Variants in NEURL4 observed in about 807,000 individuals in gnomAD.
NEURL4 encodes neuralized E3 ubiquitin protein ligase 4.
A neutral mutation model predicts 148.0 loss-of-function variants in NEURL4; 45 were observed. The observed-to-expected ratio is 0.30, with a 90% CI of 0.24 to 0.39. NEURL4 has a LOEUF of 0.39. NEURL4 is among the 10% of genes least tolerant of loss of function. The probability of loss-of-function intolerance (pLI) is 1.00; values close to 1 mark genes in which losing one functional copy is unlikely to be tolerated. For missense variants in NEURL4, 1,776 were observed against 2,144.0 expected, an observed-to-expected ratio of 0.83 and a Z score of 3.39; for synonymous variants, 854 against 869.0, an observed-to-expected ratio of 0.98 and a Z score of 0.30.
Position 7,324,548 on chromosome 17 carries a change from G to A in NEURL4, c.1814-68C>T, listed in dbSNP as rs998947680. On this transcript the variant is annotated intron_variant, in intron 9 of 28. Coordinates refer to ENST00000399464, the MANE Select transcript of NEURL4 (RefSeq NM_032442.3). The surrounding 1 kb of genome is among the most constrained non-coding windows in gnomAD (Gnocchi z 5.9). ...GGGCTCCTCTCCTTGCCACAGCAGC[G>A]CCCACAGGACTCCCGAGCCCACAGT... 2.2e-5 allele frequency: 32 copies of A among 1,429,200 alleles called. No homozygotes were observed. The highest frequency in any genetic ancestry group is 1.3e-4 in the South Asian group (11 of 86,810). The allele number at this position is 1,429,200 out of a possible 1,614,324, so 88.5% of individuals were successfully genotyped here.
Position 7,323,938 on chromosome 17 carries a change from C to A in NEURL4, c.2137G>T (p.Gly713Trp), listed in dbSNP as rs754580167. The A allele has an allele frequency of 6.2e-7, 1 of 1,613,294 alleles. No individual in the cohort carries two copies. Among genetic ancestry groups the A allele is most frequent in the Admixed American group, 1.7e-5 (1 of 60,034 alleles). ...TGATGGAAGCGCAGGTCAGAGCCCCCGGCCCCTGAGGACGGAGAGCTTGGA... is the reference window on the plus strand; with the variant it reads ...TGATGGAAGCGCAGGTCAGAGCCCCAGGCCCCTGAGGACGGAGAGCTTGGA... Reference protein sequence around the residue: ...VSPSSPSSGAGGSDLRFHQLH... With the variant: ...VSPSSPSSGAWGSDLRFHQLH... Residue 713 changes from glycine to tryptophan, a missense_variant, in exon 12 of 29, where the codon GGG becomes TGG. Coordinates refer to ENST00000399464, the MANE Select transcript of NEURL4 (RefSeq NM_032442.3).
At chr17:7,319,709 C>T (rs4796301) in intron 21 of NEURL4, among the ~76,000 whole-genome samples, 1 of 112,356 alleles carries the variant, frequency 8.9e-6, no homozygotes, top group Non-Finnish European at 1.8e-5. Context: ...TCAAAAAAAA[C>T]AAAAAAACAA....
Position 7,324,845 on chromosome 17 carries a change from G to A in NEURL4, c.1767C>T (p.Asn589=). 1 of 1,614,220 alleles carries A rather than the reference G, an allele frequency of 6.2e-7. No homozygotes were observed. ...TGGAGGGCAACTGGAGGTAGGCAGG[G>A]TTGTGGGTGGTGACACCAATTTCAA... ...GSIEIGVTTH[N]PAYLQLPSTM... is the part of the protein sequence containing the mutation. The change falls in exon 9 of 29, where the codon AAC becomes AAT. Residue 589 remains asparagine, a synonymous_variant. Transcript: ENST00000399464. The surrounding 1 kb of genome is among the most constrained non-coding windows in gnomAD (Gnocchi z 5.9).
At chr17:7,317,064 GA>G in intron 28 of NEURL4, 140 bp downstream of exon 28, 1 of 528,944 alleles carries the variant, frequency 1.9e-6, no homozygotes, top group Non-Finnish European at 3.2e-6. Flanking sequence ...AATGAATGAA[GA>G]AAGGGCTGAG....
At position 7,324,830 on chromosome 17, in the gene NEURL4, C is replaced by A. The variant is rs2073079723; in HGVS notation, c.1782G>T (p.Gln594His). 6.2e-7 allele frequency: 1 copy of A among 1,614,202 alleles called. No individual in the cohort carries two copies. The change falls in exon 9 of 29, where the codon CAG becomes CAT. Residue 594 changes from glutamine (Q) to histidine (H), a missense_variant. Gln to His is a conservative substitution (Grantham distance 24). Transcript: ENST00000399464. The surrounding 1 kb of genome is among the most constrained non-coding windows in gnomAD (Gnocchi z 5.9). ...GCAAGTTGGTCATGGTGGAGGGCAA[C>A]TGGAGGTAGGCAGGGTTGTGGGTGG... ...GVTTHNPAYL[Q>H]LPSTMTNLRS... is the part of the protein sequence containing the mutation.
At position 7,321,816 on chromosome 17, in the gene NEURL4, C is replaced by G; in HGVS notation, c.2872-29G>C. On this transcript the variant is annotated intron_variant, in intron 17 of 28. Transcript: ENST00000399464. This position sits in a 1 kb window ranked among gnomAD's most constrained non-coding sequence, Gnocchi z 6.3. ...CGAGACAGAGAAAACATAAGCTGGC[C>G]CTGTCGTGATGGGCCTCGCAGCCCC... 1 of 1,612,166 alleles carries G rather than the reference C, an allele frequency of 6.2e-7. No individual in the cohort carries two copies. The highest frequency in any genetic ancestry group is 8.5e-7 in the Non-Finnish European group (1 of 1,178,734).
rs893332473 is a variant in NEURL4 at position 7,329,284 on chromosome 17, C to T, written c.29G>A (p.Gly10Asp). 1.3e-5 allele frequency: 19 copies of T among 1,425,448 alleles called. No homozygotes were observed. Among genetic ancestry groups the T allele is most frequent in the African/African-American group, 4.5e-5 (3 of 66,558 alleles). The allele number at this position is 1,425,448 out of a possible 1,614,324, so 88.3% of individuals were successfully genotyped here. Residue 10 changes from glycine to aspartate, a missense_variant, in exon 1 of 29, where the codon GGC becomes GAC. Coordinates refer to ENST00000399464, the MANE Select transcript of NEURL4 (RefSeq NM_032442.3). Reference sequence around the variant, plus strand: ...CCCCGGTCCAGGGCCTCCCCCAGAGCCCCCACTCCCACCCGACCCTGCCGC... The same window carrying T: ...CCCCGGTCCAGGGCCTCCCCCAGAGTCCCCACTCCCACCCGACCCTGCCGC... The part of the protein sequence containing the change: MAAGSGGSG[G>D]SGGGPGPGPG...
chr17:7,327,104 G>A lies in NEURL4; in HGVS notation c.793+61C>T. On this transcript the variant is annotated intron_variant, in intron 3 of 28. Coordinates refer to ENST00000399464, the MANE Select transcript of NEURL4 (RefSeq NM_032442.3). This position sits in a 1 kb window ranked among gnomAD's most constrained non-coding sequence, Gnocchi z 6.6. ...CTCTCTCCCTACCCCTTCTCCTGAG[G>A]GCCCTCCCTTGTCCACCTCACTTCC... 6.2e-7 allele frequency: 1 copy of A among 1,601,730 alleles called. No homozygotes were observed. Among genetic ancestry groups the A allele is most frequent in the Non-Finnish European group, 8.5e-7 (1 of 1,174,526 alleles).
chr17:7,322,845 A>G lies in NEURL4; in HGVS notation c.2615T>C (p.Leu872Pro). The change falls in exon 16 of 29, where the codon CTC becomes CCC. Residue 872 changes from leucine (L) to proline (P), a missense_variant. Leu to Pro is a moderately conservative substitution (Grantham distance 98). Coordinates refer to ENST00000399464, the MANE Select transcript of NEURL4 (RefSeq NM_032442.3). The surrounding 1 kb of genome is among the most constrained non-coding windows in gnomAD (Gnocchi z 5.5). ...PGKEVYAVVD[L>P]YGQCVQVSIT... Reference sequence around the variant, plus strand: ...GGACACTTGGACACACTGGCCATAGAGATCGACTACCGCATACACCTCTGG... The same window carrying G: ...GGACACTTGGACACACTGGCCATAGGGATCGACTACCGCATACACCTCTGG... 1 of 1,613,974 alleles carries G rather than the reference A, an allele frequency of 6.2e-7. No individual in the cohort carries two copies. Among genetic ancestry groups the G allele is most frequent in the Non-Finnish European group, 8.5e-7 (1 of 1,179,926 alleles).
Position 7,327,354 on chromosome 17 carries a change from G to C in NEURL4, c.727+86C>G. The C allele has an allele frequency of 6.9e-7, 1 of 1,440,538 alleles. No individual in the cohort carries two copies. The highest frequency in any genetic ancestry group is 9.4e-7 in the Non-Finnish European group (1 of 1,061,730). The allele number at this position is 1,440,538 out of a possible 1,614,324, so 89.2% of individuals were successfully genotyped here. On this transcript the variant is annotated intron_variant, in intron 2 of 28. Coordinates refer to ENST00000399464, the MANE Select transcript of NEURL4 (RefSeq NM_032442.3). This position sits in a 1 kb window ranked among gnomAD's most constrained non-coding sequence, Gnocchi z 6.6. Reference sequence around the variant, plus strand: ...TTCAACAGACTTGGGGATCAGGGTGGCCCTGCCCACACCCAGCCTGTCTTG... The same window carrying C: ...TTCAACAGACTTGGGGATCAGGGTGCCCCTGCCCACACCCAGCCTGTCTTG...
chr17:7,318,128 G>C lies in NEURL4; in HGVS notation c.3997C>G (p.Pro1333Ala), dbSNP rs2072975752. ...GCATGGTACTCGCAGCTCTTTAGAG[G>C]ACTAGCGGCAGGTGGTGGACCCCAG... ...VCWGPPPAAS[P>A]LKSCEYHALC... The change falls in exon 25 of 29, where the codon CCT becomes GCT. Residue 1333 changes from proline to alanine, a missense_variant. Pro to Ala is a conservative substitution (Grantham distance 27, BLOSUM62 -1). Coordinates refer to ENST00000399464, the MANE Select transcript of NEURL4 (RefSeq NM_032442.3). The surrounding 1 kb of genome is among the most constrained non-coding windows in gnomAD (Gnocchi z 4.3). The C allele has an allele frequency of 1.2e-6, 2 of 1,614,082 alleles. No homozygotes were observed. Among genetic ancestry groups the C allele is most frequent in the Non-Finnish European group, 8.5e-7 (1 of 1,180,050 alleles).
At position 7,322,940 on chromosome 17, in the gene NEURL4, A is replaced by G. The variant is rs762587092; in HGVS notation, c.2593+8T>C. ...CTGAGGGTGGCAGGCTGAAAGCCAC[A>G]TAGTCACCTTTACCCGGAGGCAGGC... On this transcript the variant is annotated splice_region_variant and intron_variant, in intron 15 of 28. Transcript: ENST00000399464. The surrounding 1 kb of genome is among the most constrained non-coding windows in gnomAD (Gnocchi z 5.5). 6.8e-6 allele frequency: 11 copies of G among 1,610,166 alleles called. No homozygotes were observed. The South Asian group carries it at 1.2e-4, about 18-fold the overall frequency.
chr17:7,325,581 C>G, intron 7 of NEURL4, 60 bp downstream of exon 7: 4 of 1,583,630 alleles, frequency 2.5e-6, no homozygotes, highest in East Asian at 4.5e-5. Flanking sequence ...TGAGGTACAG[C>G]CCCCAGTCCC....
rs1048519956 is a variant in NEURL4, at chr17:7,327,608, G to A, written c.559C>T (p.Pro187Ser). The A allele has an allele frequency of 1.8e-5, 29 of 1,612,696 alleles. No homozygotes were observed. Among genetic ancestry groups the A allele is most frequent in the Non-Finnish European group, 2.4e-5 (28 of 1,179,906 alleles). Residue 187 changes from proline to serine, a missense_variant, in exon 2 of 29, where the codon CCT becomes TCT. Transcript: ENST00000399464. This position sits in a 1 kb window ranked among gnomAD's most constrained non-coding sequence, Gnocchi z 6.6. ...AGGTCCACGACGGCCCAGACACGAG[G>A]GGGCAGGCCTGTGGCAGCCACACCG... ...DCGVAATGLP[P>S]RVWAVVDLYG...
In NEURL4 at chr17:7,321,477, C is replaced by T; in HGVS notation, c.3100-18G>A. 6.2e-7 allele frequency: 1 copy of T among 1,613,728 alleles called. No homozygotes were observed. The highest frequency in any genetic ancestry group is 8.5e-7 in the Non-Finnish European group (1 of 1,179,740). On this transcript the variant is annotated intron_variant, in intron 18 of 28. Transcript: ENST00000399464. The surrounding 1 kb of genome is among the most constrained non-coding windows in gnomAD (Gnocchi z 6.3). ...CTCCCCACCTAGGACCGAGGTAGGACAAGGACGGACGATGTTCAGCCCACC... is the reference window on the plus strand; with the variant it reads ...CTCCCCACCTAGGACCGAGGTAGGATAAGGACGGACGATGTTCAGCCCACC...
intron 20 of NEURL4, 49 bp from the exon 21 acceptor site, chr17:7,320,972 T>C (rs2073024606): frequency 6.2e-7 from 1 of 1,607,040 alleles, no homozygotes; most frequent in Non-Finnish European, 8.5e-7. Flanking sequence ...ATGCCAGGAC[T>C]GACCCACCCC....
Position 7,317,938 on chromosome 17 carries a change from G to A in NEURL4, c.4061-6C>T. The A allele has an allele frequency of 6.2e-7, 1 of 1,614,214 alleles. No homozygotes were observed. Among genetic ancestry groups the A allele is most frequent in the South Asian group, 1.1e-5 (1 of 91,086 alleles). On this transcript the variant is annotated splice_region_variant and splice_polypyrimidine_tract_variant and intron_variant, in intron 25 of 28. Coordinates refer to ENST00000399464, the MANE Select transcript of NEURL4 (RefSeq NM_032442.3). ...CGGAGGCATGAAATAATCTTCTGCGGGACAGTGAGTAGCAGGCTTGGTGCT... is the reference window on the plus strand; with the variant it reads ...CGGAGGCATGAAATAATCTTCTGCGAGACAGTGAGTAGCAGGCTTGGTGCT...
chr17:7,318,128 G>T lies in NEURL4; in HGVS notation c.3997C>A (p.Pro1333Thr). The stretch of plus-strand genomic sequence containing the variant: ...GCATGGTACTCGCAGCTCTTTAGAG[G>T]ACTAGCGGCAGGTGGTGGACCCCAG... Reference protein sequence around the residue: ...VCWGPPPAASPLKSCEYHALC... With the variant: ...VCWGPPPAASTLKSCEYHALC... The change falls in exon 25 of 29, where the codon CCT (proline) becomes ACT (threonine). Residue 1333 changes from proline (P) to threonine (T), a missense_variant. Transcript: ENST00000399464. The surrounding 1 kb of genome is among the most constrained non-coding windows in gnomAD (Gnocchi z 4.3). 7.4e-6 allele frequency: 12 copies of T among 1,614,200 alleles called. No homozygotes were observed. Among genetic ancestry groups the T allele is most frequent in the Non-Finnish European group, 9.3e-6 (11 of 1,180,042 alleles).
chr17:7,326,409 C>T lies in NEURL4; in HGVS notation c.1204+28G>A, dbSNP rs781279278. The T allele has an allele frequency of 9.3e-6, 15 of 1,613,146 alleles. No individual in the cohort carries two copies. In the East Asian group the frequency reaches 2.5e-4, roughly 26 times the overall value. ...CTTCCCCTCAGCAACACCAGGCCTG[C>T]ACCCCCGCCCCTGCCCGGGGCTGGT... is the stretch of plus-strand genomic sequence containing the variant. On this transcript the variant is annotated intron_variant, in intron 5 of 28. Transcript: ENST00000399464. This position sits in a 1 kb window ranked among gnomAD's most constrained non-coding sequence, Gnocchi z 6.0.
Sources: allele counts gnomAD v4.1 joint callset (sites outside exome capture counted in the v4.1 genomes callset), GRCh38; gene constraint gnomAD v4.1.1; non-coding constraint Gnocchi (gnomAD v3.1); transcripts MANE v1.5; gene names NCBI Gene and HGNC (gene_info 2026-07-23, HGNC 2026-07-21).